The following ADAMTS17 variants were observed in gnomAD, a reference collection of about 807,000 sequenced individuals.
ADAMTS17 encodes A disintegrin and metalloproteinase with thrombospondin motifs 17.
A neutral mutation model predicts 141.5 loss-of-function variants in ADAMTS17; 113 were observed. The observed-to-expected ratio is 0.80, with a 90% CI of 0.69 to 0.93. The LOEUF (loss-of-function observed/expected upper bound fraction) is 0.93, where lower values mean the gene tolerates loss of function less well. ADAMTS17 is among the 40% of genes least tolerant of loss of function. The probability of loss-of-function intolerance (pLI) is 0.00; values close to 1 mark genes in which losing one functional copy is unlikely to be tolerated. For missense variants in ADAMTS17, 1,659 were observed against 1,517.9 expected (o/e 1.09, Z -1.54); for synonymous variants, 768 against 630.6 (o/e 1.22, Z -3.27).
chr15:100,140,185 G>A (rs2038555287), intron 10 of ADAMTS17, among the ~76,000 whole-genome samples: 1 of 151,684 alleles, frequency 6.6e-6, no homozygotes, highest in Non-Finnish European at 1.5e-5. Context: ...TGGTAGAGAT[G>A]GGGTTTCACC....
intron 18 of ADAMTS17, among the ~76,000 whole-genome samples, chr15:99,999,415 A>G (rs1011143595): frequency 2.0e-5 from 3 of 152,188 alleles, no homozygotes; most frequent in Non-Finnish European, 4.4e-5. Flanking sequence ...GGAAGTGGAC[A>G]TCTCAGGAGA....
At chr15:100,102,497 G>A (rs4575513) in intron 14 of ADAMTS17, among the ~76,000 whole-genome samples, 1 of 102,112 alleles carries the variant, frequency 9.8e-6, no homozygotes, top group African/African-American at 4.2e-5. Flanking sequence ...CTACATTTGA[G>A]GGCCGACCGA....
At chr15:100,085,041 C>T (rs545555968) in intron 15 of ADAMTS17, among the ~76,000 whole-genome samples, 2 of 152,222 alleles carry the variant, frequency 1.3e-5, no homozygotes, top group African/African-American at 2.4e-5. Context: ...GATCAAACTA[C>T]TCCAAGCTAA....
At position 100,058,574 on chromosome 15, in the gene ADAMTS17, C is replaced by T. The variant is rs191506739; in HGVS notation, c.2138-4520G>A. Among the ~76,000 whole-genome samples the T allele has an allele frequency of 2.4e-4, 36 of 152,324 alleles. No individual in the cohort carries two copies. The East Asian group carries it at 5.6e-3, about 24-fold the overall frequency. ...AAGGGCAGGAGGGCACACCTGGAGACGGTTATAAGACCATCCTCAGAAACG... is the reference window on the plus strand; with the variant it reads ...AAGGGCAGGAGGGCACACCTGGAGATGGTTATAAGACCATCCTCAGAAACG... On this transcript the variant is annotated intron_variant, in intron 15 of 21. Transcript: ENST00000268070.
chr15:99,980,281 A>G (rs923843909), intron 20 of ADAMTS17: 2 of 152,258 alleles, frequency 1.3e-5, no homozygotes, highest in African/African-American at 4.8e-5. Context: ...AGATTGCACC[A>G]CTGCACTCCA....
At chr15:100,207,035 G>A (rs1272810810) in intron 7 of ADAMTS17, among the ~76,000 whole-genome samples, 4 of 152,204 alleles carry the variant, frequency 2.6e-5, no homozygotes, top group African/African-American at 9.7e-5. Flanking sequence ...GCTAAACTGT[G>A]TCCCCCTGAA....
chr15:100,010,151 TAACTGTGAGGCCTCCCCTGCCACGTGC>T (rs1366675124), intron 18 of ADAMTS17, among the ~76,000 whole-genome samples: 1 of 152,230 alleles, frequency 6.6e-6, no homozygotes, highest in Non-Finnish European at 1.5e-5. Context: ...GCTTCTGCCA[TAACTGTGAGGCCTCCCCTGCCACGTGC>T]AACTGCGAGT....
At chr15:100,045,684 T>C (rs1459797542) in intron 18 of ADAMTS17, among the ~76,000 whole-genome samples, 1 of 152,178 alleles carries the variant, frequency 6.6e-6, no homozygotes, top group Non-Finnish European at 1.5e-5. Context: ...CCAGCTGCTA[T>C]GGGTTTCCCT....
chr15:100,322,645 A>G lies in ADAMTS17; in HGVS notation c.616+8244T>C, dbSNP rs142336304. Among the ~76,000 whole-genome samples the G allele has an allele frequency of 1.6e-3, 238 of 152,382 alleles. 1 individual carries two copies. The highest frequency in any genetic ancestry group is 5.5e-3 in the African/African-American group (227 of 41,598). On this transcript the variant is annotated intron_variant, in intron 3 of 21. Transcript: ENST00000268070. ...CCAGATGTTAGAATAGCAGACAAGA[A>G]TTTTGAAGCAATTATTACCATAATG...
In ADAMTS17 at chr15:100,127,737, G is replaced by A. The variant is rs373799004; in HGVS notation, c.1721+4270C>T. Among the ~76,000 whole-genome samples, 6 of 151,728 alleles carry A rather than the reference G, an allele frequency of 4.0e-5. No homozygotes were observed. The South Asian group carries it at 1.0e-3, about 26-fold the overall frequency. ...GCTGGGATTACAGGCATGTGCCACC[G>A]CACCTGGCTAATTTTCGTACTTTTA... On this transcript the variant is annotated intron_variant, in intron 12 of 21. Coordinates refer to ENST00000268070, the MANE Select transcript of ADAMTS17 (RefSeq NM_139057.4).
chr15:100,209,697 C>T (rs1363420451), intron 7 of ADAMTS17, among the ~76,000 whole-genome samples: 9 of 151,972 alleles, frequency 5.9e-5, no homozygotes, highest in African/African-American at 1.5e-4. Flanking sequence ...ACAGGTGACT[C>T]GTGGCAGAAT....
chr15:100,005,290 AAC>A (rs959453117), intron 18 of ADAMTS17, among the ~76,000 whole-genome samples: 1 of 152,182 alleles, frequency 6.6e-6, no homozygotes, highest in Non-Finnish European at 1.5e-5. Context: ...GGCTCAAAAT[AAC>A]ACAGATTTAT....
intron 8 of ADAMTS17, among the ~76,000 whole-genome samples, chr15:100,191,625 A>G (rs1215584350): frequency 1.3e-5 from 2 of 152,260 alleles, no homozygotes; most frequent in Non-Finnish European, 2.9e-5. Flanking sequence ...CCGTGAATGC[A>G]GGACTGTGAG....
At chr15:100,046,287 C>A (rs894398306) in intron 18 of ADAMTS17, among the ~76,000 whole-genome samples, 2 of 152,142 alleles carry the variant, frequency 1.3e-5, no homozygotes, top group Admixed American at 6.5e-5. Flanking sequence ...TTACAGGAAG[C>A]AGAATCCTTT....
chr15:100,162,243 T>A (rs1222576577), intron 8 of ADAMTS17, among the ~76,000 whole-genome samples: 1 of 151,852 alleles, frequency 6.6e-6, no homozygotes, highest in Non-Finnish European at 1.5e-5. Context: ...GATTTTGATG[T>A]AAGGTGCATG....
intron 10 of ADAMTS17, among the ~76,000 whole-genome samples, chr15:100,144,860 G>A (rs1463636752): frequency 6.6e-6 from 1 of 151,332 alleles, no homozygotes; most frequent in Non-Finnish European, 1.5e-5. Context: ...AGGCAGGCAA[G>A]CTATTTTCCT....
chr15:100,098,503 T>G (rs1229493419), intron 14 of ADAMTS17, among the ~76,000 whole-genome samples: 1 of 151,566 alleles, frequency 6.6e-6, no homozygotes, highest in Non-Finnish European at 1.5e-5. Context: ...AAAAATTAGC[T>G]AGGCATGGTG....
intron 16 of ADAMTS17, among the ~76,000 whole-genome samples, chr15:100,052,386 T>C (rs1206070752): frequency 2.0e-5 from 3 of 152,208 alleles, no homozygotes; most frequent in Non-Finnish European, 4.4e-5. Flanking sequence ...AATCTTGAAG[T>C]GACAATCACA....
intron 18 of ADAMTS17, among the ~76,000 whole-genome samples, chr15:100,002,212 G>C (rs116007825): frequency 0.012 from 1,831 of 151,928 alleles, 73 homozygotes; most frequent in African/African-American, 0.041. Flanking sequence ...TTTTGCAGTT[G>C]ACTTTGTGAA....
Sources: gnomAD v4.1 joint callset for allele counts (sites outside exome capture counted in the v4.1 genomes callset) on GRCh38, gnomAD v4.1.1 for gene constraint, MANE v1.5 for transcripts, NCBI Gene and HGNC (gene_info 2026-07-23, HGNC 2026-07-21) for gene names.